Variants in COL24A1 observed in about 807,000 individuals in gnomAD.
COL24A1 encodes the protein collagen alpha-1(XXIV) chain.
In COL24A1, 224 loss-of-function variants were observed where a neutral mutation model predicts 253.9. That is an observed-to-expected ratio of 0.88 (90% CI 0.79 to 0.99). The LOEUF (loss-of-function observed/expected upper bound fraction) is 0.99, where lower values mean the gene tolerates loss of function less well. COL24A1 is among the 50% of genes least tolerant of loss of function. The pLI, the probability that COL24A1 is intolerant of heterozygous loss-of-function variation, is 0.00. For synonymous variants in COL24A1, 685 were observed against 673.7 expected (o/e 1.02, Z -0.26); for missense variants, 2,131 against 2,068.5 (o/e 1.03, Z -0.59).
chr1:85,897,845 C>CAGAGAGAT (rs1180961327), intron 28 of COL24A1, among the ~76,000 whole-genome samples: 1 of 151,938 alleles, frequency 6.6e-6, no homozygotes, highest in Non-Finnish European at 1.5e-5. Context: ...CAATAATATA[C>CAGAGAGAT]AGAGAGATAA....
chr1:85,796,995 T>A (rs1337131458), intron 47 of COL24A1, among the ~76,000 whole-genome samples: 1 of 150,456 alleles, frequency 6.6e-6, no homozygotes, highest in Non-Finnish European at 1.5e-5. Context: ...GGTCAGGAGA[T>A]CGAGACCATC....
chr1:85,997,055 G>GTATA (rs59071699), intron 19 of COL24A1, among the ~76,000 whole-genome samples: 3,682 of 95,124 alleles, frequency 0.039, 218 homozygotes, highest in Middle Eastern at 0.061. Context: ...GTGTGTGTGT[G>GTATA]TATATATATA....
intron 43 of COL24A1, among the ~76,000 whole-genome samples, chr1:85,838,371 C>T (rs1676243493): frequency 6.6e-6 from 1 of 152,068 alleles, no homozygotes; most frequent in South Asian, 2.1e-4. Context: ...CAGGAGGTAA[C>T]ATTTCAGTTG....
intron 43 of COL24A1, among the ~76,000 whole-genome samples, chr1:85,837,798 T>C (rs1032560592): frequency 1.2e-4 from 19 of 152,102 alleles, no homozygotes; most frequent in African/African-American, 3.6e-4. Context: ...AAAGATTACA[T>C]AATATTATAG....
At chr1:85,835,719 G>T (rs1403602522) in intron 43 of COL24A1, among the ~76,000 whole-genome samples, 2 of 152,068 alleles carry the variant, frequency 1.3e-5, no homozygotes. Context: ...GAGACAAAAA[G>T]AAAAAGGTTT....
intron 8 of COL24A1, among the ~76,000 whole-genome samples, chr1:86,061,534 A>G (rs1187538036): frequency 6.6e-6 from 1 of 152,100 alleles, no homozygotes; most frequent in Non-Finnish European, 1.5e-5. Flanking sequence ...TTAAAGCAAC[A>G]TGTAGAGATC....
chr1:85,993,105 G>A (rs906019282), intron 19 of COL24A1, among the ~76,000 whole-genome samples: 1 of 151,820 alleles, frequency 6.6e-6, no homozygotes, highest in African/African-American at 2.4e-5. Context: ...CCTGGGAACC[G>A]AAGCACTAGC....
intron 2 of COL24A1, among the ~76,000 whole-genome samples, chr1:86,139,820 G>T (rs756968118): frequency 6.6e-6 from 1 of 151,902 alleles, no homozygotes; most frequent in African/African-American, 2.4e-5. Context: ...TATAGACTTC[G>T]ACACACTTTT....
intron 19 of COL24A1, among the ~76,000 whole-genome samples, chr1:85,995,842 C>T (rs1000014254): frequency 6.6e-6 from 1 of 152,122 alleles, no homozygotes; most frequent in African/African-American, 2.4e-5. Flanking sequence ...CTCTCTTCCT[C>T]CTGCTCCGGC....
intron 32 of COL24A1, among the ~76,000 whole-genome samples, chr1:85,889,012 C>G (rs1169181913): frequency 6.6e-6 from 1 of 152,062 alleles, no homozygotes; most frequent in African/African-American, 2.4e-5. Context: ...TGTGACAGGT[C>G]TTTCCTTTTC....
chr1:86,120,162 A>C (rs113615120), intron 3 of COL24A1, among the ~76,000 whole-genome samples: 12,972 of 152,268 alleles, frequency 0.085, 708 homozygotes, highest in Non-Finnish European at 0.12. Flanking sequence ...TAAAGACTTA[A>C]ATGTTAGACC....
In COL24A1 at chr1:85,899,732, C is replaced by T. The variant is rs1020904788; in HGVS notation, c.2779-3323G>A. Among the ~76,000 whole-genome samples, 12 of 152,172 alleles carry T rather than the reference C, an allele frequency of 7.9e-5. No individual in the cohort carries two copies. The South Asian group carries it at 1.0e-3, about 13-fold the overall frequency. On this transcript the variant is annotated intron_variant, in intron 28 of 59. Transcript: ENST00000370571. ...CAGATTAAGTGGCTGCCTAGATACA[C>T]GTAGAAAAGGCTGCATCTAGCTGGA...
At chr1:85,842,890 A>T (rs313701) in intron 39 of COL24A1, among the ~76,000 whole-genome samples, 56,055 of 151,946 alleles carry the variant, frequency 0.37, 11,522 homozygotes, top group East Asian at 0.58. Context: ...TACATGTAAT[A>T]GTTACCCTAT....
At chr1:86,076,590 C>T (rs1196860887) in intron 7 of COL24A1, among the ~76,000 whole-genome samples, 4 of 152,140 alleles carry the variant, frequency 2.6e-5, no homozygotes, top group Admixed American at 2.6e-4. Context: ...CTAGACAACC[C>T]TAAGCCAAAA....
At chr1:85,966,242 C>G (rs1225815232) in intron 22 of COL24A1, among the ~76,000 whole-genome samples, 1 of 151,730 alleles carries the variant, frequency 6.6e-6, no homozygotes, top group African/African-American at 2.4e-5. Flanking sequence ...GAGTAGCAGA[C>G]CAAATGAAAT....
intron 3 of COL24A1, among the ~76,000 whole-genome samples, chr1:86,122,111 G>T (rs1461512760): frequency 6.6e-6 from 1 of 151,906 alleles, no homozygotes; most frequent in East Asian, 1.9e-4. Flanking sequence ...TCTACACTGC[G>T]CTGAAGTTAG....
At chr1:86,057,804 TATA>T in intron 10 of COL24A1, 124 bp downstream of exon 10, 1 of 732,650 alleles carries the variant, frequency 1.4e-6, no homozygotes. Flanking sequence ...AGTAAGCAAG[TATA>T]TTCAGGCTAC....
chr1:85,775,738 A>G, intron 52 of COL24A1, 29 bp from the exon 53 acceptor site: 2 of 1,565,884 alleles, frequency 1.3e-6, no homozygotes, highest in Middle Eastern at 1.7e-4. Context: ...ATGTTAGTTC[A>G]TTGTTATTGA....
intron 2 of COL24A1, among the ~76,000 whole-genome samples, chr1:86,132,847 G>A (rs1250804900): frequency 1.3e-5 from 2 of 151,922 alleles, no homozygotes; most frequent in East Asian, 1.9e-4. Context: ...TTGGCAATGC[G>A]GGCTCTTTTT....
Sources: gnomAD v4.1 joint callset for allele counts (sites outside exome capture counted in the v4.1 genomes callset) on GRCh38, gnomAD v4.1.1 for gene constraint, MANE v1.5 for transcripts, NCBI Gene and HGNC (gene_info 2026-07-23, HGNC 2026-07-21) for gene names.